The following ZNF99 variants were observed in gnomAD, a reference collection of about 807,000 sequenced individuals.
The protein encoded by ZNF99 is zinc finger protein 99.
ZNF99 carries 8 observed loss-of-function variants against 12.8 expected under a neutral mutation model. That is an observed-to-expected ratio of 0.62 (90% CI 0.37 to 1.13). The LOEUF is 1.13. Ranked by LOEUF, ZNF99 falls within the 50% of genes most tolerant of loss-of-function variation. The pLI, the probability that ZNF99 is intolerant of heterozygous loss-of-function variation, is 0.02. For synonymous variants in ZNF99, 318 were observed against 319.0 expected, an observed-to-expected ratio of 1.00 and a Z score of 0.03; for missense variants, 1,007 against 1,006.2, an observed-to-expected ratio of 1.00 and a Z score of -0.01.
At position 22,752,574 on chromosome 19, in the gene ZNF99, A is replaced by G. The variant is rs536772894; in HGVS notation, c.*4740T>C. On this transcript the variant is annotated 3_prime_UTR_variant, in exon 4 of 4. Coordinates refer to ENST00000596209, the MANE Select transcript of ZNF99 (RefSeq NM_001080409.3). ...TTTGCAGGTTAAAGCCACTGAAAAA[A>G]AGAGATTACTAGAGATGTTATTCCA... 6.6e-6 allele frequency: 1 copy of G among 152,284 alleles called. No homozygotes were observed. Among genetic ancestry groups the G allele is most frequent in the East Asian group, 1.9e-4 (1 of 5,190 alleles). The allele number at this position is 152,284 out of a possible 1,614,324, so 9.4% of individuals were successfully genotyped here. A position where few individuals can be genotyped will look rare whatever the true frequency, so the allele number is the denominator to read the frequency against.
chr19:22,771,381 G>A (rs569991508), intron 1 of ZNF99, among the ~76,000 whole-genome samples: 30 of 142,922 alleles, frequency 2.1e-4, no homozygotes, highest in Non-Finnish European at 3.7e-4. Context: ...TCAGCCTCCC[G>A]AGTAGCTGGG....
At chr19:22,782,661 CTTTTTTT>C (rs71180598) in intron 1 of ZNF99, among the ~76,000 whole-genome samples, 240 of 86,634 alleles carry the variant, frequency 2.8e-3, no homozygotes, top group Non-Finnish European at 4.3e-3. Context: ...CGCACCTGGC[CTTTTTTT>C]TTTTTTTTTT....
chr19:22,771,981 G>C (rs554831038), intron 1 of ZNF99, among the ~76,000 whole-genome samples: 1 of 151,030 alleles, frequency 6.6e-6, no homozygotes, highest in Non-Finnish European at 1.5e-5. Context: ...CTCCCAAAGT[G>C]CTGGGATCAC....
chr19:22,756,972 T>G lies in ZNF99; in HGVS notation c.*342A>C, dbSNP rs757344040. The G allele has an allele frequency of 6.2e-7, 1 of 1,612,162 alleles. No individual in the cohort carries two copies. On this transcript the variant is annotated 3_prime_UTR_variant, in exon 4 of 4. Transcript: ENST00000596209. ...TCACATTTGTATGGTTTCTCCCCAG[T>G]ATGAATTATCTTATGTTTCCTAAGG...
At position 22,755,993 on chromosome 19, in the gene ZNF99, A is replaced by C; in HGVS notation, c.*1321T>G. On this transcript the variant is annotated 3_prime_UTR_variant, in exon 4 of 4. Transcript: ENST00000596209. ...GTATCAATTATTTTATGTGTATTTA[A>C]GGTGTGAGGACTGGTTAAAGGCTTT... is the stretch of plus-strand genomic sequence containing the variant. The C allele has an allele frequency of 1.5e-6, 1 of 652,640 alleles. No individual in the cohort carries two copies. The highest frequency in any genetic ancestry group is 1.6e-5 in the South Asian group (1 of 63,148). 40.4% of individuals were successfully genotyped at this position (652,640 alleles called of 1,614,324 possible). A position where few individuals can be genotyped will look rare whatever the true frequency, so the allele number is the denominator to read the frequency against.
Position 22,769,295 on chromosome 19 carries a change from T to G in ZNF99, c.33A>C (p.Ile11=). ...ATTGCCACTCCTCCAGAGCGAATTC[T>G]ATGGTCACATCCCAAAATGTCAACG... is the stretch of plus-strand genomic sequence containing the variant. The part of the protein sequence containing the change: MGSLTFWDVT[I]EFALEEWQCL... Residue 11 remains isoleucine (I), a synonymous_variant, in exon 2 of 4, where the codon ATA becomes ATC. Coordinates refer to ENST00000596209, the MANE Select transcript of ZNF99 (RefSeq NM_001080409.3). 1 of 1,609,214 alleles carries G rather than the reference T, an allele frequency of 6.2e-7. No homozygotes were observed.
chr19:22,783,629 G>A (rs1973414845), intron 1 of ZNF99, among the ~76,000 whole-genome samples: 2 of 152,084 alleles, frequency 1.3e-5, no homozygotes, highest in Non-Finnish European at 2.9e-5. Context: ...TTTTTAATAG[G>A]AGAAAAGAGG....
At chr19:22,780,964 T>G (rs35061555) in intron 1 of ZNF99, among the ~76,000 whole-genome samples, 1 of 152,004 alleles carries the variant, frequency 6.6e-6, no homozygotes, top group African/African-American at 2.4e-5. Context: ...TGGTAGCATT[T>G]GAAAAGTCAA....
intron 1 of ZNF99, 82 bp downstream of exon 1, chr19:22,783,932 G>T (rs1247590438): frequency 1.9e-6 from 3 of 1,562,896 alleles, no homozygotes; most frequent in Non-Finnish European, 2.6e-6. Context: ...CTGAGGGGAG[G>T]CCTGAGTCCC....
At chr19:22,776,739 A>T (rs1232178008) in intron 1 of ZNF99, among the ~76,000 whole-genome samples, 1,481 of 139,606 alleles carry the variant, frequency 0.011, no homozygotes, top group Middle Eastern at 0.018. Context: ...CAAAGAAATA[A>T]AAATTATTCT....
chr19:22,764,154 G>A (rs1973180363), intron 3 of ZNF99, among the ~76,000 whole-genome samples: 1 of 151,840 alleles, frequency 6.6e-6, no homozygotes, highest in South Asian at 2.1e-4. Context: ...TGATCCACCC[G>A]TCTCAGCCTC....
At chr19:22,763,562 A>G (rs1316360355) in intron 3 of ZNF99, among the ~76,000 whole-genome samples, 3 of 152,220 alleles carry the variant, frequency 2.0e-5, no homozygotes, top group Non-Finnish European at 4.4e-5. Context: ...GCCAAAAGCA[A>G]TCTACAAATT....
intron 1 of ZNF99, among the ~76,000 whole-genome samples, chr19:22,772,214 T>A (rs1002788714): frequency 6.6e-6 from 1 of 152,012 alleles, no homozygotes; most frequent in Non-Finnish European, 1.5e-5. Flanking sequence ...AGAGAGTGAG[T>A]TGATACAAAG....
chr19:22,758,165 TA>T lies in ZNF99; in HGVS notation c.1743del (p.Arg582AspfsTer32), dbSNP rs1290721467. 2.5e-6 allele frequency: 4 copies of T among 1,613,520 alleles called. No homozygotes were observed. Among genetic ancestry groups the T allele is most frequent in the Non-Finnish European group, 3.4e-6 (4 of 1,179,718 alleles). Reference protein sequence around the residue: ...GKAFKQSSHLTRHKAIHTGEK... With the variant: ...GKAFKQSSHLXRHKAIHTGEK... Reference sequence around the variant, plus strand: ...TCCCCAGTATGAATTGCTTTATGTCTAGTAAGATGTGAAGATTGCTTAAAAG... The same window carrying T: ...TCCCCAGTATGAATTGCTTTATGTCTGTAAGATGTGAAGATTGCTTAAAAG... On this transcript the variant is annotated frameshift_variant, in exon 4 of 4. Transcript: ENST00000596209. LOFTEE classifies it low-confidence loss of function (END_TRUNC).
rs146963944 is a variant in ZNF99, at chr19:22,780,584, G to A, written c.3+3430C>T. Among the ~76,000 whole-genome samples the A allele has an allele frequency of 4.4e-3, 672 of 152,046 alleles. 8 individuals carry two copies. Among genetic ancestry groups the A allele is most frequent in the African/African-American group, 0.015 (631 of 41,466 alleles). On this transcript the variant is annotated intron_variant, in intron 1 of 3. Transcript: ENST00000596209. ...CACATATCTGTAATCCCAGCTACTC[G>A]GGAGGCTGAGGCAGGAGAATCACTT...
At chr19:22,768,605 T>C (rs1301471525) in intron 2 of ZNF99, among the ~76,000 whole-genome samples, 1 of 152,188 alleles carries the variant, frequency 6.6e-6, no homozygotes, top group Non-Finnish European at 1.5e-5. Flanking sequence ...ATATTGGTGG[T>C]GGCAATGAGA....
At position 22,767,476 on chromosome 19, in the gene ZNF99, T is replaced by A. The variant is rs542228626; in HGVS notation, c.226+829A>T. ...TTGGGTGAGGTAGTCGTAATTATAT[T>A]GGGCACAATATGCTTTAAGTCAAGT... On this transcript the variant is annotated intron_variant, in intron 3 of 3. Transcript: ENST00000596209. Among the ~76,000 whole-genome samples the A allele has an allele frequency of 3.9e-5, 6 of 152,284 alleles. No homozygotes were observed. In the South Asian group the frequency reaches 1.2e-3, roughly 32 times the overall value.
At position 22,758,220 on chromosome 19, in the gene ZNF99, T is replaced by C; in HGVS notation, c.1689A>G (p.Lys563=). ...TGCCACATTCTTCACATTTGTATGGTTTCTTCCCAGTATGAATTATCTTAT... is the reference window on the plus strand; with the variant it reads ...TGCCACATTCTTCACATTTGTATGGCTTCTTCCCAGTATGAATTATCTTAT... ...MKHKIIHTGK[K]PYKCEECGKA... The change falls in exon 4 of 4, where the codon AAA becomes AAG. Residue 563 remains lysine, a synonymous_variant. Transcript: ENST00000596209. 1.2e-6 allele frequency: 2 copies of C among 1,612,258 alleles called. No individual in the cohort carries two copies. Among genetic ancestry groups the C allele is most frequent in the Non-Finnish European group, 1.7e-6 (2 of 1,178,840 alleles).
At chr19:22,782,150 G>T (rs980939568) in intron 1 of ZNF99, among the ~76,000 whole-genome samples, 2 of 152,140 alleles carry the variant, frequency 1.3e-5, no homozygotes, top group Non-Finnish European at 2.9e-5. Flanking sequence ...AGGGAAAATT[G>T]ACATTATGAA....
Sources: allele counts gnomAD v4.1 joint callset (sites outside exome capture counted in the v4.1 genomes callset), GRCh38; gene constraint gnomAD v4.1.1; transcripts MANE v1.5; gene names NCBI Gene and HGNC (gene_info 2026-07-23, HGNC 2026-07-21).